The following ANXA3 variants were observed in gnomAD, a reference collection of about 807,000 sequenced individuals.
ANXA3 encodes annexin A3.
A neutral mutation model predicts 48.8 loss-of-function variants in ANXA3; 46 were observed. That is an observed-to-expected ratio of 0.94 (90% CI 0.74 to 1.21). The LOEUF is 1.21. Among genes scored for constraint, ANXA3 ranks in the 50% most tolerant of loss-of-function variants. The pLI is 0.00. For missense variants in ANXA3, 383 were observed against 378.6 expected (o/e 1.01, Z -0.10); for synonymous variants, 128 against 134.7 (o/e 0.95, Z 0.35).
At chr4:78,575,398 A>G (rs1722926996) in intron 3 of ANXA3, among the ~76,000 whole-genome samples, 1 of 151,994 alleles carries the variant, frequency 6.6e-6, no homozygotes, top group African/African-American at 2.4e-5. Flanking sequence ...GTGTTGTGGG[A>G]GGGACCTGGT....
chr4:78,597,451 C>T, intron 10 of ANXA3, 37 bp downstream of exon 10: 2 of 1,399,566 alleles, frequency 1.4e-6, no homozygotes, highest in Non-Finnish European at 2.0e-6. Context: ...AGTTACTTTG[C>T]ACTTGCTTTA....
Position 78,595,536 on chromosome 4 carries a change from T to TTTTC in ANXA3, c.540+103_540+106dup, listed in dbSNP as rs201929153. On this transcript the variant is annotated intron_variant, in intron 8 of 12. Coordinates refer to ENST00000264908, the MANE Select transcript of ANXA3 (RefSeq NM_005139.3). ...GGAGAAAAATAGCAGCAACAGGGAC[T>TTTTC]TTTCTTTTTTTTTTTTTCCTGTTTG... 9,372 of 1,296,304 alleles carry TTTTC rather than the reference T, an allele frequency of 7.2e-3. 400 individuals are homozygous for TTTTC. The African/African-American group carries it at 0.12, about 17-fold the overall frequency. 80.3% of individuals were successfully genotyped at this position (1,296,304 alleles called of 1,614,324 possible).
chr4:78,574,444 A>T (rs1722907599), intron 3 of ANXA3, among the ~76,000 whole-genome samples: 1 of 152,002 alleles, frequency 6.6e-6, no homozygotes, highest in Non-Finnish European at 1.5e-5. Context: ...AACAACAAAA[A>T]AACCCAACAC....
At chr4:78,604,849 T>C (rs1454980948) in intron 12 of ANXA3, among the ~76,000 whole-genome samples, 2 of 152,246 alleles carry the variant, frequency 1.3e-5, no homozygotes, top group African/African-American at 2.4e-5. Flanking sequence ...CAGCTGTATA[T>C]CATTCCATTG....
chr4:78,554,319 A>G, intron 1 of ANXA3, 117 bp from the exon 2 acceptor site: 2 of 719,812 alleles, frequency 2.8e-6, no homozygotes, highest in Non-Finnish European at 4.8e-6. Flanking sequence ...CTTCCTGAGA[A>G]GGTTTTTCTG....
chr4:78,604,001 T>C, intron 11 of ANXA3: 1 of 251,986 alleles, frequency 4.0e-6, no homozygotes. Context: ...CAGACTGTTT[T>C]GCAATGGCTT....
At chr4:78,571,679 T>A (rs1722843260) in intron 2 of ANXA3, among the ~76,000 whole-genome samples, 2 of 152,244 alleles carry the variant, frequency 1.3e-5, no homozygotes, top group Admixed American at 1.3e-4. Flanking sequence ...TAAAGACAGA[T>A]TTTTATTCAA....
chr4:78,576,181 G>T (rs1447449279), intron 3 of ANXA3, among the ~76,000 whole-genome samples: 1 of 151,950 alleles, frequency 6.6e-6, no homozygotes, highest in African/African-American at 2.4e-5. Flanking sequence ...AAATCAGCTT[G>T]TCAAATTCAA....
intron 12 of ANXA3, among the ~76,000 whole-genome samples, chr4:78,608,260 G>C (rs115546010): frequency 2.0e-5 from 3 of 152,076 alleles, no homozygotes; most frequent in Non-Finnish European, 1.5e-5. Context: ...CTATGAGAAA[G>C]TCATGATTCA....
rs1723179417 is a variant in ANXA3 at position 78,586,354 on chromosome 4, T to A, written c.403+4T>A. On this transcript the variant is annotated splice_donor_region_variant and intron_variant, in intron 6 of 12. Transcript: ENST00000264908. ...ATCTCTCAAGCCTATTATACAGGTG[T>A]CTTATTTTCTGCTTACCTTCACCAC... The A allele has an allele frequency of 1.2e-6, 2 of 1,603,950 alleles. No homozygotes were observed. The highest frequency in any genetic ancestry group is 2.2e-5 in the South Asian group (2 of 90,076).
intron 10 of ANXA3, among the ~76,000 whole-genome samples, chr4:78,597,904 A>G (rs866066377): frequency 2.6e-5 from 4 of 152,158 alleles, no homozygotes; most frequent in African/African-American, 9.7e-5. Context: ...GTGAGCTACC[A>G]CATCCAGCCA....
Position 78,610,414 on chromosome 4 carries a change from A to C in ANXA3, c.*299A>C. On this transcript the variant is annotated 3_prime_UTR_variant, in exon 13 of 13. Transcript: ENST00000264908. ...TATAGTTCTACTCCATTAAATATAA[A>C]GCAAGATAATAAAAATTGTTGCTTT... 4.8e-6 allele frequency: 1 copy of C among 206,770 alleles called. No homozygotes were observed. The highest frequency in any genetic ancestry group is 9.6e-6 in the Non-Finnish European group (1 of 103,858). 12.8% of individuals were successfully genotyped at this position (206,770 alleles called of 1,614,324 possible).
chr4:78,577,435 G>C (rs1722978143), intron 3 of ANXA3, among the ~76,000 whole-genome samples: 3 of 152,168 alleles, frequency 2.0e-5, no homozygotes, highest in Admixed American at 2.0e-4. Context: ...TCAGATACTT[G>C]TGCAGTTGTG....
chr4:78,552,627 C>T (rs549633111), intron 1 of ANXA3, among the ~76,000 whole-genome samples: 38 of 152,268 alleles, frequency 2.5e-4, no homozygotes, highest in African/African-American at 7.5e-4. Flanking sequence ...GCTGGAGGCC[C>T]CTCTGGCTAC....
intron 2 of ANXA3, among the ~76,000 whole-genome samples, chr4:78,559,314 C>T (rs1578389937): frequency 6.6e-6 from 1 of 152,128 alleles, no homozygotes; most frequent in Admixed American, 6.5e-5. Context: ...AACTCCTGAG[C>T]TCAGCTGATC....
rs778550106 is a variant in ANXA3, at chr4:78,579,068, T to C, written c.145T>C (p.Ser49Pro). Residue 49 changes from serine (S) to proline (P), a missense_variant, in exon 4 of 13, where the codon TCA becomes CCA. Coordinates refer to ENST00000264908, the MANE Select transcript of ANXA3 (RefSeq NM_005139.3). ...GCTCATCAGCATTCTGACTGAGAGGTCAAATGCACAGCGGCAGCTGATTGT... is the reference window on the plus strand; with the variant it reads ...GCTCATCAGCATTCTGACTGAGAGGCCAAATGCACAGCGGCAGCTGATTGT... ...KMLISILTER[S>P]NAQRQLIVKE... 6 of 1,612,542 alleles carry C rather than the reference T, an allele frequency of 3.7e-6. No homozygotes were observed. In the Admixed American group the frequency reaches 1.0e-4, roughly 27 times the overall value.
intron 10 of ANXA3, 57 bp from the exon 11 acceptor site, chr4:78,601,453 A>G (rs1056033187): frequency 4.6e-6 from 7 of 1,513,122 alleles, no homozygotes; most frequent in Non-Finnish European, 6.4e-6. Flanking sequence ...ATTACTTACT[A>G]TAGATTAACC....
At chr4:78,566,590 C>G (rs1722736182) in intron 2 of ANXA3, among the ~76,000 whole-genome samples, 1 of 136,746 alleles carries the variant, frequency 7.3e-6, no homozygotes, top group Non-Finnish European at 1.5e-5. Context: ...TCAAATACCA[C>G]TTATAAGTGG....
chr4:78,608,908 G>A (rs974622371), intron 12 of ANXA3, among the ~76,000 whole-genome samples: 2 of 152,124 alleles, frequency 1.3e-5, no homozygotes, highest in Admixed American at 1.3e-4. Flanking sequence ...CTGGTAGAAC[G>A]CCTAATTGTT....
Sources: allele counts gnomAD v4.1 joint callset (sites outside exome capture counted in the v4.1 genomes callset), GRCh38; gene constraint gnomAD v4.1.1; transcripts MANE v1.5; gene names NCBI Gene and HGNC (gene_info 2026-07-23, HGNC 2026-07-21).